Variants in LRRC8D observed in about 807,000 individuals in gnomAD.
The protein encoded by LRRC8D is leucine rich repeat containing 8 VRAC subunit D.
A neutral mutation model predicts 55.8 loss-of-function variants in LRRC8D; 20 were observed. That is an observed-to-expected ratio of 0.36 (90% CI 0.25 to 0.52). LRRC8D has a LOEUF of 0.52. Among genes scored for constraint, LRRC8D ranks in the 20% least tolerant of loss-of-function variants. The probability of loss-of-function intolerance (pLI) is 0.93; values close to 1 mark genes in which losing one functional copy is unlikely to be tolerated. For missense variants in LRRC8D, 651 were observed against 1,030.8 expected (o/e 0.63, Z 5.05); for synonymous variants, 352 against 377.0 (o/e 0.93, Z 0.77).
At position 89,852,325 on chromosome 1, in the gene LRRC8D, G is replaced by C. The variant is rs1354686454; in HGVS notation, c.-3+8543G>C. Among the ~76,000 whole-genome samples the C allele has an allele frequency of 3.3e-5, 5 of 152,280 alleles. No homozygotes were observed. The South Asian group carries it at 6.2e-4, about 19-fold the overall frequency. Reference sequence around the variant, plus strand: ...ATGGAAGTTCTCCATTTCTCATTCAGATTCCTCTGTGCTCCCCTTAGTAGC... The same window carrying C: ...ATGGAAGTTCTCCATTTCTCATTCACATTCCTCTGTGCTCCCCTTAGTAGC... On this transcript the variant is annotated intron_variant, in intron 2 of 2. Coordinates refer to ENST00000337338, the MANE Select transcript of LRRC8D (RefSeq NM_001134479.2).
At chr1:89,828,889 C>T (rs561395602) in intron 1 of LRRC8D, among the ~76,000 whole-genome samples, 9 of 152,222 alleles carry the variant, frequency 5.9e-5, no homozygotes, top group African/African-American at 1.9e-4. Flanking sequence ...AGCACTGCAA[C>T]GAGTTCTGCA....
chr1:89,878,967 C>T (rs1223090579), intron 2 of LRRC8D, among the ~76,000 whole-genome samples: 1 of 90,846 alleles, frequency 1.1e-5, no homozygotes, highest in East Asian at 4.0e-4. Flanking sequence ...AAATCCGTCT[C>T]AAAAAAAAAA....
Position 89,933,087 on chromosome 1 carries a change from G to C in LRRC8D, c.19G>C (p.Val7Leu), listed in dbSNP as rs1041768721. The C allele has an allele frequency of 6.2e-7, 1 of 1,606,666 alleles. No homozygotes were observed. Among genetic ancestry groups the C allele is most frequent in the African/African-American group, 1.3e-5 (1 of 74,916 alleles). The stretch of plus-strand genomic sequence containing the variant: ...TCTAGGAATGTTTACCCTTGCGGAA[G>C]TTGCATCACTTAATGACATTCAGCC... The part of the protein sequence containing the change: MFTLAE[V>L]ASLNDIQPTY... The change falls in exon 3 of 3, where the codon GTT becomes CTT. Residue 7 changes from valine to leucine, a missense_variant. Transcript: ENST00000337338. This position sits in a 1 kb window ranked among gnomAD's most constrained non-coding sequence, Gnocchi z 7.0.
intron 2 of LRRC8D, among the ~76,000 whole-genome samples, chr1:89,881,123 A>G (rs1356047114): frequency 3.3e-5 from 5 of 152,022 alleles, no homozygotes; most frequent in Admixed American, 6.5e-5. Flanking sequence ...TTACTGGCCT[A>G]TCTCATTTCC....
At chr1:89,895,412 A>G (rs1431668938) in intron 2 of LRRC8D, among the ~76,000 whole-genome samples, 1 of 152,206 alleles carries the variant, frequency 6.6e-6, no homozygotes, top group Non-Finnish European at 1.5e-5. Flanking sequence ...TATCTCAAAT[A>G]TCTGCTTAAT....
At chr1:89,824,611 A>G (rs749388883) in intron 1 of LRRC8D, among the ~76,000 whole-genome samples, 14 of 151,782 alleles carry the variant, frequency 9.2e-5, no homozygotes, top group Non-Finnish European at 1.5e-4. Flanking sequence ...TTTTTTTCCA[A>G]TGATTTTCTT....
At chr1:89,872,239 T>C (rs1361482958) in intron 2 of LRRC8D, among the ~76,000 whole-genome samples, 1 of 152,278 alleles carries the variant, frequency 6.6e-6, no homozygotes, top group African/African-American at 2.4e-5. Context: ...TGAGTTGCCC[T>C]GTGTGCATGA....
At chr1:89,847,445 C>T (rs948506085) in intron 2 of LRRC8D, among the ~76,000 whole-genome samples, 1 of 152,070 alleles carries the variant, frequency 6.6e-6, no homozygotes, top group South Asian at 2.1e-4. Context: ...TTCCTTAATA[C>T]GCAGTGCACT....
At chr1:89,903,625 A>G (rs1185242799) in intron 2 of LRRC8D, among the ~76,000 whole-genome samples, 1 of 152,172 alleles carries the variant, frequency 6.6e-6, no homozygotes, top group African/African-American at 2.4e-5. Flanking sequence ...ATATTGGAAT[A>G]TGTCTTTTCA....
At chr1:89,831,832 G>C (rs1660893158) in intron 1 of LRRC8D, among the ~76,000 whole-genome samples, 1 of 152,152 alleles carries the variant, frequency 6.6e-6, no homozygotes, top group Non-Finnish European at 1.5e-5. Context: ...AAGAATGCTG[G>C]AAAATGTTTG....
intron 2 of LRRC8D, among the ~76,000 whole-genome samples, chr1:89,918,835 T>C (rs558169444): frequency 6.6e-6 from 1 of 152,334 alleles, no homozygotes; most frequent in South Asian, 2.1e-4. Context: ...ATTTTGACTT[T>C]GGTATAATTA....
At chr1:89,899,221 T>C (rs1203475132) in intron 2 of LRRC8D, among the ~76,000 whole-genome samples, 1 of 152,244 alleles carries the variant, frequency 6.6e-6, no homozygotes, top group Non-Finnish European at 1.5e-5. Flanking sequence ...CGCATTATTC[T>C]AGGGTGCAGC....
At chr1:89,836,015 T>C (rs1323798805) in intron 1 of LRRC8D, among the ~76,000 whole-genome samples, 1 of 152,212 alleles carries the variant, frequency 6.6e-6, no homozygotes, top group Non-Finnish European at 1.5e-5. Flanking sequence ...TTTCCTCCCA[T>C]GAACAAGCCT....
intron 2 of LRRC8D, among the ~76,000 whole-genome samples, chr1:89,858,463 A>G (rs1184050273): frequency 6.6e-6 from 1 of 152,200 alleles, no homozygotes; most frequent in Non-Finnish European, 1.5e-5. Context: ...GATGTTAATT[A>G]TATCTTCTGA....
chr1:89,917,810 G>A (rs1663312333), intron 2 of LRRC8D, among the ~76,000 whole-genome samples: 1 of 152,194 alleles, frequency 6.6e-6, no homozygotes, highest in Non-Finnish European at 1.5e-5. Flanking sequence ...GGCCTTGGAA[G>A]CGGTCAGTGC....
chr1:89,846,717 G>A (rs192739758), intron 2 of LRRC8D: 1 of 151,638 alleles, frequency 6.6e-6, no homozygotes, highest in African/African-American at 2.4e-5. Context: ...CACTTCCTGT[G>A]TGTCTGTGAC....
intron 2 of LRRC8D, among the ~76,000 whole-genome samples, chr1:89,853,587 A>C (rs915539041): frequency 1.3e-5 from 2 of 152,150 alleles, no homozygotes; most frequent in African/African-American, 4.8e-5. Context: ...TCTCCTGTGA[A>C]ATAATTATGT....
chr1:89,839,171 C>T (rs1218078946), intron 1 of LRRC8D, among the ~76,000 whole-genome samples: 1 of 152,206 alleles, frequency 6.6e-6, no homozygotes, highest in Non-Finnish European at 1.5e-5. Context: ...CATCTGTGAG[C>T]CCTGCTGCTG....
At chr1:89,892,788 G>A (rs1459491174) in intron 2 of LRRC8D, among the ~76,000 whole-genome samples, 1 of 152,206 alleles carries the variant, frequency 6.6e-6, no homozygotes, top group Non-Finnish European at 1.5e-5. Flanking sequence ...CCAAAGTGCT[G>A]GGATTACAGG....
Sources: gnomAD v4.1 joint callset for allele counts (sites outside exome capture counted in the v4.1 genomes callset) on GRCh38, gnomAD v4.1.1 for gene constraint, Gnocchi (gnomAD v3.1) non-coding constraint, MANE v1.5 for transcripts, NCBI Gene and HGNC (gene_info 2026-07-23, HGNC 2026-07-21) for gene names.